Variants in RAD51B observed in about 807,000 individuals in gnomAD.
RAD51B encodes RAD51 paralog B, also known as DNA repair protein RAD51 homolog 2.
RAD51B carries 38 observed loss-of-function variants against 42.2 expected under a neutral mutation model. That is an observed-to-expected ratio of 0.90 (90% confidence interval 0.70 to 1.18). The LOEUF (loss-of-function observed/expected upper bound fraction) is 1.18. Among genes scored for constraint, RAD51B ranks in the 50% most tolerant of loss-of-function variants. The pLI is 0.00. For missense variants in RAD51B, 373 were observed against 400.7 expected (o/e 0.93, Z 0.59); for synonymous variants, 154 against 145.2 (o/e 1.06, Z -0.43).
chr14:67,905,121 C>T (rs906300883), intron 7 of RAD51B, among the ~76,000 whole-genome samples: 3 of 152,058 alleles, frequency 2.0e-5, no homozygotes, highest in African/African-American at 7.3e-5. Flanking sequence ...TTTCAGTCTT[C>T]TGCATATGGC....
intron 7 of RAD51B, among the ~76,000 whole-genome samples, chr14:68,232,431 C>A (rs1241643948): frequency 1.3e-5 from 2 of 152,100 alleles, no homozygotes; most frequent in Non-Finnish European, 2.9e-5. Flanking sequence ...ACCAACCTGG[C>A]CTAAAAAAGG....
In RAD51B at chr14:67,825,473, T is replaced by C. The variant is rs747099037; in HGVS notation, c.94T>C (p.Cys32Arg). 1.2e-6 allele frequency: 2 copies of C among 1,609,284 alleles called. No individual in the cohort carries two copies. The highest frequency in any genetic ancestry group is 2.7e-5 in the African/African-American group (2 of 74,658). Residue 32 changes from cysteine to arginine, a missense_variant, in exon 3 of 11, where the codon TGT (cysteine) becomes CGT (arginine). Transcript: ENST00000471583. ...CTTTATGTTTCTTTAGGACTTTTTATGTCTTTCCCCACTGGAGCTTATGAA... is the reference window on the plus strand; with the variant it reads ...CTTTATGTTTCTTTAGGACTTTTTACGTCTTTCCCCACTGGAGCTTATGAA... ...HQILTCQDFL[C>R]LSPLELMKVT...
rs561533981 is a variant in RAD51B, at chr14:68,192,190, T to A, written c.757-99694T>A. On this transcript the variant is annotated intron_variant, in intron 7 of 10. Coordinates refer to ENST00000471583, the MANE Select transcript of RAD51B (RefSeq NM_133510.4). ...GTTTTGTTGGTTCTAATAACTGTAA[T>A]GTTATTCACTGGTTGAAATACTATA... is the stretch of plus-strand genomic sequence containing the variant. Among the ~76,000 whole-genome samples the A allele has an allele frequency of 2.0e-5, 3 of 152,330 alleles. 1 individual carries two copies. The highest frequency in any genetic ancestry group is 7.2e-5 in the African/African-American group (3 of 41,566).
At chr14:67,837,116 A>G (rs1006762027) in intron 4 of RAD51B, among the ~76,000 whole-genome samples, 2 of 152,228 alleles carry the variant, frequency 1.3e-5, no homozygotes, top group South Asian at 2.1e-4. Flanking sequence ...TGGTAAATAA[A>G]TGCGTGAATT....
At chr14:67,959,210 A>G (rs1269545334) in intron 7 of RAD51B, among the ~76,000 whole-genome samples, 1 of 151,880 alleles carries the variant, frequency 6.6e-6, no homozygotes, top group Non-Finnish European at 1.5e-5. Context: ...TTGAATTTTT[A>G]GAATGTTTGT....
intron 11 of RAD51B, among the ~76,000 whole-genome samples, chr14:68,660,685 A>T (rs143573713): frequency 6.6e-6 from 1 of 152,346 alleles, no homozygotes; most frequent in Non-Finnish European, 1.5e-5. Context: ...AAATGAGACC[A>T]GTCCTTGACA....
chr14:68,082,875 C>G (rs1266194074), intron 7 of RAD51B, among the ~76,000 whole-genome samples: 8 of 152,170 alleles, frequency 5.3e-5, no homozygotes, highest in Admixed American at 5.2e-4. Context: ...TGTTCTGACA[C>G]ATCTGAGGTA....
intron 10 of RAD51B, among the ~76,000 whole-genome samples, chr14:68,586,151 G>A (rs1412041161): frequency 6.6e-6 from 1 of 152,122 alleles, no homozygotes; most frequent in South Asian, 2.1e-4. Flanking sequence ...TCCGAGGCTG[G>A]CACGGAGAGG....
At chr14:68,648,946 T>G (rs1892642659) in intron 10 of RAD51B, among the ~76,000 whole-genome samples, 1 of 151,990 alleles carries the variant, frequency 6.6e-6, no homozygotes, top group East Asian at 1.9e-4. Context: ...TCAAGCAGAG[T>G]GCAGTCCTAG....
intron 9 of RAD51B, among the ~76,000 whole-genome samples, chr14:68,419,458 C>T (rs1037917354): frequency 2.0e-5 from 3 of 152,026 alleles, no homozygotes. Flanking sequence ...CACCATCTCA[C>T]CCCACATTGC....
intron 7 of RAD51B, chr14:67,908,285 C>T (rs561244328): frequency 4.0e-4 from 61 of 152,134 alleles, no homozygotes; most frequent in African/African-American, 1.4e-3. Context: ...GGTCTTGGGA[C>T]TGAGGTATGG....
At chr14:68,626,930 A>G (rs1192732171) in intron 10 of RAD51B, among the ~76,000 whole-genome samples, 2 of 152,160 alleles carry the variant, frequency 1.3e-5, no homozygotes, top group East Asian at 3.8e-4. Context: ...TTGAACCGAG[A>G]CAGAAAATGA....
intron 7 of RAD51B, among the ~76,000 whole-genome samples, chr14:68,169,847 G>A (rs187560096): frequency 4.0e-4 from 61 of 152,304 alleles, no homozygotes; most frequent in Non-Finnish European, 6.6e-4. Flanking sequence ...TTACAGTAGT[G>A]TCATTTCTCT....
chr14:68,440,756 A>AT (rs2085267298), intron 9 of RAD51B, among the ~76,000 whole-genome samples: 2 of 151,864 alleles, frequency 1.3e-5, no homozygotes, highest in Non-Finnish European at 2.9e-5. Context: ...CAAAAAAAAA[A>AT]GAAAGAAAGA....
chr14:68,449,799 G>C (rs1451016520), intron 9 of RAD51B, among the ~76,000 whole-genome samples: 3 of 152,018 alleles, frequency 2.0e-5, no homozygotes, highest in African/African-American at 7.3e-5. Flanking sequence ...GGATGAATCT[G>C]CCTGCCTGTG....
At position 68,477,847 on chromosome 14, in the gene RAD51B, G is replaced by A. The variant is rs973963183; in HGVS notation, c.*183G>A. 3.9e-5 allele frequency: 56 copies of A among 1,431,730 alleles called. 1 individual carries two copies. Among genetic ancestry groups the A allele is most frequent in the Non-Finnish European group, 4.8e-5 (52 of 1,093,646 alleles). 88.7% of individuals were successfully genotyped at this position (1,431,730 alleles called of 1,614,324 possible). ...TAGCGATTTCAGACCTAGCAGGGAA[G>A]GTGAAGATGAAGAAGCCTTTGTTCA... On this transcript the variant is annotated 3_prime_UTR_variant, in exon 11 of 11. Coordinates refer to ENST00000471583, the MANE Select transcript of RAD51B (RefSeq NM_133510.4).
chr14:68,192,798 T>C (rs2079293547), intron 7 of RAD51B, among the ~76,000 whole-genome samples: 1 of 152,220 alleles, frequency 6.6e-6, no homozygotes, highest in East Asian at 1.9e-4. Flanking sequence ...ATCTTATGAG[T>C]TACCCTTGTT....
At chr14:68,070,937 T>G (rs1357766140) in intron 7 of RAD51B, among the ~76,000 whole-genome samples, 1 of 152,212 alleles carries the variant, frequency 6.6e-6, no homozygotes, top group Non-Finnish European at 1.5e-5. Flanking sequence ...TTCCATTTGT[T>G]TGTGTCATCT....
Position 67,940,347 on chromosome 14 carries a change from G to A in RAD51B, c.756+53143G>A, listed in dbSNP as rs553020533. ...CTGCCTTGGCCTCCCAAAAGTGCTG[G>A]GATTACAGGCGTGAGCCACCGCACC... On this transcript the variant is annotated intron_variant, in intron 7 of 10. Transcript: ENST00000471583. Among the ~76,000 whole-genome samples the A allele has an allele frequency of 2.0e-5, 3 of 151,616 alleles. No homozygotes were observed. In the South Asian group the frequency reaches 6.3e-4, roughly 32 times the overall value.
Sources: gnomAD v4.1 joint callset for allele counts (sites outside exome capture counted in the v4.1 genomes callset) on GRCh38, gnomAD v4.1.1 for gene constraint, MANE v1.5 for transcripts, NCBI Gene and HGNC (gene_info 2026-07-23, HGNC 2026-07-21) for gene names.